Variants in ADAM22 observed in about 807,000 individuals in gnomAD.
The protein encoded by ADAM22 is ADAM metallopeptidase domain 22, also known as disintegrin and metalloproteinase domain-containing protein 22.
ADAM22 carries 65 observed loss-of-function variants against 144.6 expected under a neutral mutation model. The ratio of observed to expected loss-of-function variants is 0.45; its 90% CI spans 0.37 to 0.55. The LOEUF (loss-of-function observed/expected upper bound fraction) is 0.55. Ranked by LOEUF, ADAM22 falls within the 20% of genes least tolerant of loss-of-function variation. The probability of loss-of-function intolerance (pLI) is 0.00; values close to 1 mark genes in which losing one functional copy is unlikely to be tolerated. For synonymous variants in ADAM22, 391 were observed against 412.6 expected, an observed-to-expected ratio of 0.95 and a Z score of 0.63; for missense variants, 974 against 1,184.9, an observed-to-expected ratio of 0.82 and a Z score of 2.61.
At chr7:88,117,044 G>A (rs955513757) in intron 7 of ADAM22, among the ~76,000 whole-genome samples, 3 of 152,082 alleles carry the variant, frequency 2.0e-5, no homozygotes, top group Non-Finnish European at 4.4e-5. Context: ...TAAAAATAAG[G>A]CACTAAAGGA....
At chr7:88,094,699 GT>G (rs1820794140) in intron 4 of ADAM22, among the ~76,000 whole-genome samples, 1 of 152,110 alleles carries the variant, frequency 6.6e-6, no homozygotes. Context: ...GGGTTAATAG[GT>G]ATTCCACATA....
At chr7:87,937,223 G>C (rs972729564) in intron 2 of ADAM22, among the ~76,000 whole-genome samples, 9 of 152,212 alleles carry the variant, frequency 5.9e-5, no homozygotes, top group African/African-American at 2.2e-4. Context: ...CTCCCAAAAT[G>C]CTGGGATTAC....
At chr7:88,122,490 A>G (rs1002154537) in intron 7 of ADAM22, among the ~76,000 whole-genome samples, 1 of 152,190 alleles carries the variant, frequency 6.6e-6, no homozygotes, top group African/African-American at 2.4e-5. Flanking sequence ...TTTGGCCCCC[A>G]GTAATTCCTG....
chr7:87,955,489 C>T (rs925057783), intron 2 of ADAM22, among the ~76,000 whole-genome samples: 5 of 152,168 alleles, frequency 3.3e-5, no homozygotes, highest in Non-Finnish European at 7.3e-5. Flanking sequence ...GATCGTTCCT[C>T]TGGAAGTTTT....
At chr7:88,083,479 A>G (rs558590764) in intron 4 of ADAM22, among the ~76,000 whole-genome samples, 5 of 152,188 alleles carry the variant, frequency 3.3e-5, no homozygotes, top group African/African-American at 1.2e-4. Context: ...CCTAAAACTT[A>G]AAGTATATAA....
At chr7:88,108,297 C>T (rs1207628206) in intron 5 of ADAM22, 39 bp downstream of exon 5, 1 of 1,539,888 alleles carries the variant, frequency 6.5e-7, no homozygotes, top group Non-Finnish European at 8.9e-7. Context: ...TTTGTTTTTT[C>T]AATAATTTAT....
At chr7:88,072,892 G>A (rs1314774923) in intron 3 of ADAM22, among the ~76,000 whole-genome samples, 1 of 152,182 alleles carries the variant, frequency 6.6e-6, no homozygotes, top group Non-Finnish European at 1.5e-5. Context: ...GTGTGATGTG[G>A]ATGCTGGAGC....
At chr7:87,997,868 G>T (rs1167985781) in intron 3 of ADAM22, among the ~76,000 whole-genome samples, 1 of 152,194 alleles carries the variant, frequency 6.6e-6, no homozygotes, top group Admixed American at 6.5e-5. Flanking sequence ...TTATTAAGGA[G>T]TATTGACTCA....
intron 3 of ADAM22, among the ~76,000 whole-genome samples, chr7:88,035,026 G>A (rs1801177256): frequency 6.6e-6 from 1 of 152,138 alleles, no homozygotes; most frequent in African/African-American, 2.4e-5. Context: ...GTTTTTCTGT[G>A]TAGATAGCTG....
At chr7:88,167,230 T>C (rs995192928) in intron 24 of ADAM22, among the ~76,000 whole-genome samples, 73 of 152,270 alleles carry the variant, frequency 4.8e-4, no homozygotes, top group African/African-American at 1.6e-3. Flanking sequence ...CAGTTAACCA[T>C]GTGGCACAAA....
At position 88,115,930 on chromosome 7, in the gene ADAM22, C is replaced by T. The variant is rs115999482; in HGVS notation, c.538-815C>T. 1.8e-3 allele frequency among the ~76,000 whole-genome samples: 279 copies of T among 152,326 alleles called. 1 individual carries two copies. Among genetic ancestry groups the T allele is most frequent in the African/African-American group, 6.4e-3 (267 of 41,576 alleles). Reference sequence around the variant, plus strand: ...TTATAGACTACACAGAAACATAATACACTTTCATTCTAGCTCTGTACATAC... The same window carrying T: ...TTATAGACTACACAGAAACATAATATACTTTCATTCTAGCTCTGTACATAC... On this transcript the variant is annotated intron_variant, in intron 6 of 31. Coordinates refer to ENST00000413139, the MANE Select transcript of ADAM22 (RefSeq NM_001324418.2).
intron 7 of ADAM22, among the ~76,000 whole-genome samples, 177 bp from the exon 8 acceptor site, chr7:88,125,412 T>C (rs554659667): frequency 6.6e-6 from 1 of 152,024 alleles, no homozygotes; most frequent in South Asian, 2.1e-4. Flanking sequence ...ATTATATTCA[T>C]CCTTTATATG....
intron 4 of ADAM22, among the ~76,000 whole-genome samples, chr7:88,104,451 A>G (rs890397578): frequency 6.6e-6 from 1 of 152,182 alleles, no homozygotes; most frequent in Non-Finnish European, 1.5e-5. Flanking sequence ...ATTCTTCACT[A>G]TGTACCCTTT....
At chr7:87,943,291 A>G (rs1290656336) in intron 2 of ADAM22, among the ~76,000 whole-genome samples, 1 of 151,818 alleles carries the variant, frequency 6.6e-6, no homozygotes, top group Non-Finnish European at 1.5e-5. Flanking sequence ...ACTGAAGTTA[A>G]TTAACCTGCC....
intron 3 of ADAM22, among the ~76,000 whole-genome samples, chr7:88,048,455 G>A (rs915450291): frequency 6.6e-6 from 1 of 151,982 alleles, no homozygotes; most frequent in Non-Finnish European, 1.5e-5. Context: ...CTATACCAAT[G>A]TATTCACTCA....
At chr7:88,104,312 T>A (rs761816870) in intron 4 of ADAM22, among the ~76,000 whole-genome samples, 2 of 152,168 alleles carry the variant, frequency 1.3e-5, no homozygotes, top group Non-Finnish European at 2.9e-5. Context: ...TATATGTGTA[T>A]GTGTGTATGT....
chr7:88,189,009 G>A (rs1206746687), intron 30 of ADAM22, among the ~76,000 whole-genome samples: 1 of 152,204 alleles, frequency 6.6e-6, no homozygotes, highest in Admixed American at 6.5e-5. Flanking sequence ...TTATCAAAAT[G>A]CAATCTGCAG....
At chr7:88,061,592 A>C (rs1809869397) in intron 3 of ADAM22, among the ~76,000 whole-genome samples, 1 of 152,320 alleles carries the variant, frequency 6.6e-6, no homozygotes, top group South Asian at 2.1e-4. Context: ...ATTTTGAAAG[A>C]AATATTTTTT....
intron 3 of ADAM22, among the ~76,000 whole-genome samples, chr7:88,000,257 A>G (rs946949127): frequency 6.6e-6 from 1 of 152,132 alleles, no homozygotes; most frequent in South Asian, 2.1e-4. Context: ...TGTTTTCTCC[A>G]TGTAGTAAAG....
Sources: allele counts gnomAD v4.1 joint callset (sites outside exome capture counted in the v4.1 genomes callset), GRCh38; gene constraint gnomAD v4.1.1; transcripts MANE v1.5; gene names NCBI Gene and HGNC (gene_info 2026-07-23, HGNC 2026-07-21).